FBXO36: variants seen among roughly 807,000 people sequenced by gnomAD.
FBXO36 encodes F-box protein 36, also known as F-box only protein 36.
In FBXO36, 18 loss-of-function variants were observed where a neutral mutation model predicts 17.0. The observed-to-expected ratio is 1.06, with a 90% CI of 0.73 to 1.57. The LOEUF (loss-of-function observed/expected upper bound fraction) is 1.57, where lower values mean the gene tolerates loss of function less well. FBXO36 is among the 40% of genes most tolerant of loss of function. The pLI, the probability that FBXO36 is intolerant of heterozygous loss-of-function variation, is 0.00. For missense variants in FBXO36, 229 were observed against 221.9 expected (o/e 1.03, Z -0.20); for synonymous variants, 83 against 85.3 (o/e 0.97, Z 0.15).
intron 3 of FBXO36, among the ~76,000 whole-genome samples, chr2:230,002,984 G>A (rs541596491): frequency 6.6e-6 from 1 of 151,910 alleles, no homozygotes; most frequent in Admixed American, 6.6e-5. Flanking sequence ...AGGCCGAGGC[G>A]GATGGATCAC....
intron 2 of FBXO36, among the ~76,000 whole-genome samples, chr2:229,981,202 T>C (rs1254732683): frequency 3.9e-5 from 6 of 152,042 alleles, no homozygotes; most frequent in Non-Finnish European, 7.4e-5. Flanking sequence ...AATGGCCTGA[T>C]ACAAAGTCAG....
chr2:229,941,798 C>G (rs2077000705), intron 1 of FBXO36, among the ~76,000 whole-genome samples: 1 of 152,176 alleles, frequency 6.6e-6, no homozygotes, highest in Non-Finnish European at 1.5e-5. Context: ...AGGTGGATCA[C>G]TTGAGGTCAT....
intron 2 of FBXO36, among the ~76,000 whole-genome samples, chr2:229,981,260 G>A (rs539049132): frequency 6.6e-6 from 1 of 152,264 alleles, no homozygotes; most frequent in Admixed American, 6.5e-5. Context: ...AGGCTGAAGT[G>A]AGAGGATCAC....
intron 3 of FBXO36, among the ~76,000 whole-genome samples, chr2:230,004,079 C>G (rs1315677342): frequency 1.3e-5 from 2 of 152,236 alleles, no homozygotes; most frequent in Non-Finnish European, 2.9e-5. Flanking sequence ...CCACCCTCTG[C>G]CCCAGCCAGG....
chr2:229,980,904 G>A lies in FBXO36; in HGVS notation c.205+4555G>A, dbSNP rs550393512. Reference sequence around the variant, plus strand: ...CTGTGATACCAAATTAAATCAGCCCGGCAAGTTCAAAGGCTCCTGTGTCTC... The same window carrying A: ...CTGTGATACCAAATTAAATCAGCCCAGCAAGTTCAAAGGCTCCTGTGTCTC... On this transcript the variant is annotated intron_variant, in intron 2 of 3. Coordinates refer to ENST00000283946, the MANE Select transcript of FBXO36 (RefSeq NM_174899.5). 1.6e-4 allele frequency among the ~76,000 whole-genome samples: 25 copies of A among 152,156 alleles called. No individual in the cohort carries two copies. The East Asian group carries it at 1.7e-3, about 11-fold the overall frequency.
intron 1 of FBXO36, among the ~76,000 whole-genome samples, chr2:229,972,364 G>T (rs1180079560): frequency 1.3e-5 from 2 of 152,152 alleles, no homozygotes; most frequent in Non-Finnish European, 2.9e-5. Flanking sequence ...CCGACTGAAA[G>T]CTGAAATAAT....
chr2:229,937,254 G>A (rs2076968787), intron 1 of FBXO36, among the ~76,000 whole-genome samples: 1 of 152,118 alleles, frequency 6.6e-6, no homozygotes, highest in African/African-American at 2.4e-5. Flanking sequence ...CAGCACTTTA[G>A]GAGGCTGAGG....
At chr2:229,926,812 T>G (rs1458559995) in intron 1 of FBXO36, among the ~76,000 whole-genome samples, 1 of 152,162 alleles carries the variant, frequency 6.6e-6, no homozygotes, top group Non-Finnish European at 1.5e-5. Flanking sequence ...ATTCTAATTC[T>G]TTGAAAACCA....
rs1159885703 is a variant in FBXO36, at chr2:230,012,809, A to C, written c.*1925A>C. 1 of 151,748 alleles carries C rather than the reference A, an allele frequency of 6.6e-6. No individual in the cohort carries two copies. The highest frequency in any genetic ancestry group is 1.5e-5 in the Non-Finnish European group (1 of 67,880). 9.4% of individuals were successfully genotyped at this position (151,748 alleles called of 1,614,324 possible). Reference sequence around the variant, plus strand: ...TGGTAACATCAGTGCAAGATGATTAAAGCTTCATGTGTAGTATTTTATCAA... The same window carrying C: ...TGGTAACATCAGTGCAAGATGATTACAGCTTCATGTGTAGTATTTTATCAA... On this transcript the variant is annotated 3_prime_UTR_variant, in exon 4 of 4. Transcript: ENST00000283946.
At chr2:229,935,013 T>C (rs1435325667) in intron 1 of FBXO36, among the ~76,000 whole-genome samples, 3 of 152,196 alleles carry the variant, frequency 2.0e-5, no homozygotes, top group Non-Finnish European at 4.4e-5. Flanking sequence ...TTAGAAATAT[T>C]TTAAACTAAT....
rs199996146 is a variant in FBXO36 at position 229,923,680 on chromosome 2, A to AT, written c.96+1079dup. On this transcript the variant is annotated intron_variant, in intron 1 of 3. Transcript: ENST00000283946. Reference sequence around the variant, plus strand: ...TGTAAAATCAGCCTGTCCAAAAAAAATTTTTTTTAAAACAGTACTGCTCCT... The same window carrying AT: ...TGTAAAATCAGCCTGTCCAAAAAAAATTTTTTTTTAAAACAGTACTGCTCCT... Among the ~76,000 whole-genome samples, 1,103 of 151,802 alleles carry AT rather than the reference A, an allele frequency of 7.3e-3. 8 individuals carry two copies. The highest frequency in any genetic ancestry group is 0.012 in the Non-Finnish European group (848 of 67,884).
intron 2 of FBXO36, among the ~76,000 whole-genome samples, chr2:229,979,470 T>C (rs2077226981): frequency 6.6e-6 from 1 of 151,896 alleles, no homozygotes; most frequent in African/African-American, 2.4e-5. Context: ...TTTTGTTTTG[T>C]TTTGCTTTCT....
intron 2 of FBXO36, among the ~76,000 whole-genome samples, chr2:229,995,746 C>A (rs2077323747): frequency 6.6e-6 from 1 of 151,826 alleles, no homozygotes; most frequent in Admixed American, 6.6e-5. Context: ...GCATGTGCCA[C>A]CACGCCTGGC....
intron 2 of FBXO36, among the ~76,000 whole-genome samples, chr2:229,985,774 C>T (rs2077264962): frequency 6.6e-6 from 1 of 152,162 alleles, no homozygotes; most frequent in South Asian, 2.1e-4. Flanking sequence ...TTAGGTTAAG[C>T]ACTGTGGCTC....
chr2:229,922,782 C>T (rs2076790114), intron 1 of FBXO36, among the ~76,000 whole-genome samples, 173 bp downstream of exon 1: 5 of 152,324 alleles, frequency 3.3e-5, no homozygotes, highest in Admixed American at 3.3e-4. Flanking sequence ...TCCGACGGCC[C>T]GCGTGTCCCT....
chr2:229,991,749 AG>A (rs1190246393), intron 2 of FBXO36, among the ~76,000 whole-genome samples: 2 of 152,204 alleles, frequency 1.3e-5, no homozygotes, highest in African/African-American at 4.8e-5. Context: ...TATTTCTGTG[AG>A]ATAAGCACTT....
Position 229,984,085 on chromosome 2 carries a change from C to T in FBXO36, c.205+7736C>T, listed in dbSNP as rs2077254681. On this transcript the variant is annotated intron_variant, in intron 2 of 3. Transcript: ENST00000283946. ...TAAAATCAGGTTGGGCGCGGTGGCT[C>T]ACGCCTGTAATCCCAGCACTTTGGG... 2.0e-5 allele frequency among the ~76,000 whole-genome samples: 3 copies of T among 152,274 alleles called. 1 individual carries two copies. The highest frequency in any genetic ancestry group is 7.2e-5 in the African/African-American group (3 of 41,558).
At chr2:229,933,978 G>T (rs542141745) in intron 1 of FBXO36, among the ~76,000 whole-genome samples, 1 of 151,784 alleles carries the variant, frequency 6.6e-6, no homozygotes, top group Non-Finnish European at 1.5e-5. Flanking sequence ...GAGTCACCGT[G>T]CCCAGCCCCC....
intron 3 of FBXO36, 67 bp from the exon 4 acceptor site, chr2:230,010,629 A>C (rs2077410714): frequency 1.4e-6 from 2 of 1,422,792 alleles, no homozygotes; most frequent in African/African-American, 2.8e-5. Flanking sequence ...TCCCACAGGC[A>C]GCAAGAGTTT....
Sources: gnomAD v4.1 joint callset for allele counts (sites outside exome capture counted in the v4.1 genomes callset) on GRCh38, gnomAD v4.1.1 for gene constraint, MANE v1.5 for transcripts, NCBI Gene and HGNC (gene_info 2026-07-23, HGNC 2026-07-21) for gene names.